Variants in SPIN1 observed in about 807,000 individuals in gnomAD.
SPIN1 encodes spindlin 1, also known as spindlin-1.
In SPIN1, 3 loss-of-function variants were observed where a neutral mutation model predicts 26.0. The observed-to-expected ratio is 0.12, with a 90% CI of 0.05 to 0.30. The LOEUF (loss-of-function observed/expected upper bound fraction) is 0.30. Among genes scored for constraint, SPIN1 ranks in the 10% least tolerant of loss-of-function variants. The probability of loss-of-function intolerance (pLI) is 1.00; values close to 1 mark genes in which losing one functional copy is unlikely to be tolerated. For synonymous variants in SPIN1, 101 were observed against 116.5 expected (o/e 0.87, Z 0.86); for missense variants, 126 against 333.4 (o/e 0.38, Z 4.84).
intron 3 of SPIN1, among the ~76,000 whole-genome samples, chr9:88,454,427 AT>A (rs1184628778): frequency 3.3e-5 from 5 of 152,150 alleles, no homozygotes; most frequent in Non-Finnish European, 5.9e-5. Flanking sequence ...GTAATTCCTA[AT>A]AGTTTGCTTT....
chr9:88,431,479 G>A (rs1191431952), intron 2 of SPIN1, among the ~76,000 whole-genome samples: 2 of 151,144 alleles, frequency 1.3e-5, no homozygotes, highest in African/African-American at 2.4e-5. Flanking sequence ...TAGTAGAGAC[G>A]GGGTTTCTCC....
At chr9:88,463,215 C>T (rs1025264630) in intron 4 of SPIN1, among the ~76,000 whole-genome samples, 11 of 152,130 alleles carry the variant, frequency 7.2e-5, no homozygotes, top group Admixed American at 3.3e-4. Flanking sequence ...CTTTATTATA[C>T]ACAGAGCTTG....
At chr9:88,442,390 A>G (rs1828153094) in intron 2 of SPIN1, among the ~76,000 whole-genome samples, 1 of 147,794 alleles carries the variant, frequency 6.8e-6, no homozygotes, top group Non-Finnish European at 1.5e-5. Flanking sequence ...GTTTCTTTCA[A>G]GATGTTTTTC....
At chr9:88,393,394 C>T (rs1209709054) in intron 1 of SPIN1, among the ~76,000 whole-genome samples, 1 of 149,458 alleles carries the variant, frequency 6.7e-6, no homozygotes, top group Non-Finnish European at 1.5e-5. Flanking sequence ...TGTTGCTTAA[C>T]CTGACACAGG....
chr9:88,389,083 C>G (rs1374098795), intron 1 of SPIN1, among the ~76,000 whole-genome samples: 1 of 152,068 alleles, frequency 6.6e-6, no homozygotes, highest in Non-Finnish European at 1.5e-5. Flanking sequence ...TGGGGCCACC[C>G]CTCCCAGGCC....
intron 1 of SPIN1, among the ~76,000 whole-genome samples, chr9:88,425,960 C>T (rs924408652): frequency 1.3e-5 from 2 of 152,148 alleles, no homozygotes; most frequent in African/African-American, 2.4e-5. Context: ...ACCTCACACC[C>T]CTGTCTCCCA....
intron 3 of SPIN1, among the ~76,000 whole-genome samples, chr9:88,450,770 C>T (rs1050228393): frequency 2.0e-5 from 3 of 152,174 alleles, no homozygotes; most frequent in African/African-American, 7.2e-5. Context: ...GTCCCATTTT[C>T]CTATTCTCAA....
intron 2 of SPIN1, among the ~76,000 whole-genome samples, chr9:88,443,818 C>A (rs1203511727): frequency 6.6e-6 from 1 of 152,150 alleles, no homozygotes; most frequent in Non-Finnish European, 1.5e-5. Flanking sequence ...ACCCCTACCC[C>A]TTGTGGGACA....
chr9:88,392,752 A>C (rs1276701687), intron 1 of SPIN1, among the ~76,000 whole-genome samples: 1 of 152,160 alleles, frequency 6.6e-6, no homozygotes, highest in African/African-American at 2.4e-5. Flanking sequence ...GGGTGAGCTT[A>C]AATGAAGTAA....
intron 2 of SPIN1, among the ~76,000 whole-genome samples, chr9:88,435,902 T>G (rs1827990587): frequency 6.6e-6 from 1 of 152,188 alleles, no homozygotes; most frequent in South Asian, 2.1e-4. Context: ...TGTGTTTATG[T>G]TGCTTTTCTT....
chr9:88,439,801 C>T (rs1286440912), intron 2 of SPIN1, among the ~76,000 whole-genome samples: 1 of 152,140 alleles, frequency 6.6e-6, no homozygotes, highest in African/African-American at 2.4e-5. Flanking sequence ...TAGCTTCCCA[C>T]TTTCTTTTGA....
intron 1 of SPIN1, among the ~76,000 whole-genome samples, chr9:88,409,678 C>G (rs1827395286): frequency 6.8e-6 from 1 of 147,540 alleles, no homozygotes; most frequent in Non-Finnish European, 1.5e-5. Flanking sequence ...TACTAAAATA[C>G]AAAAAAAAAA....
intron 4 of SPIN1, among the ~76,000 whole-genome samples, chr9:88,466,911 A>T (rs892024062): frequency 1.3e-5 from 2 of 151,786 alleles, no homozygotes; most frequent in Admixed American, 1.3e-4. Flanking sequence ...AATTTTTTGT[A>T]TTTTTAGTAG....
chr9:88,474,991 T>C lies in SPIN1; in HGVS notation c.590-87T>C. ...TAAAATTTTTTTTAAGTTATGAAAA[T>C]AAATATGTGAGTTGATTTATATCTA... On this transcript the variant is annotated intron_variant, in intron 5 of 5. Transcript: ENST00000375859. 2 of 1,291,346 alleles carry C rather than the reference T, an allele frequency of 1.5e-6. 1 individual carries two copies. Among genetic ancestry groups the C allele is most frequent in the South Asian group, 3.6e-5 (2 of 56,094 alleles). The allele number at this position is 1,291,346 out of a possible 1,614,324, so 80.0% of individuals were successfully genotyped here. A position where few individuals can be genotyped will look rare whatever the true frequency, so the allele number is the denominator to read the frequency against.
In SPIN1 at chr9:88,441,180, G is replaced by A. The variant is rs368213632; in HGVS notation, c.53-7761G>A. On this transcript the variant is annotated intron_variant, in intron 2 of 5. Coordinates refer to ENST00000375859, the MANE Select transcript of SPIN1 (RefSeq NM_006717.3). ...TATAACAATGATTTACATAACTTTT[G>A]TATTTGGCATTATTAGTAATCTGGA... Among the ~76,000 whole-genome samples, 190 of 151,676 alleles carry A rather than the reference G, an allele frequency of 1.3e-3. 5 individuals carry two copies. In the South Asian group the frequency reaches 0.036, roughly 29 times the overall value.
intron 1 of SPIN1, among the ~76,000 whole-genome samples, chr9:88,395,668 G>C (rs1379613586): frequency 6.6e-6 from 1 of 151,868 alleles, no homozygotes; most frequent in African/African-American, 2.4e-5. Flanking sequence ...GGATGATCTT[G>C]AACTCCTGAC....
At chr9:88,415,097 G>C (rs1219732078) in intron 1 of SPIN1, among the ~76,000 whole-genome samples, 2 of 151,946 alleles carry the variant, frequency 1.3e-5, no homozygotes, top group African/African-American at 4.8e-5. Flanking sequence ...GTAGAGATGG[G>C]GTTTCACCGT....
chr9:88,389,715 T>A (rs1330665080), intron 1 of SPIN1, among the ~76,000 whole-genome samples: 1 of 152,198 alleles, frequency 6.6e-6, no homozygotes, highest in African/African-American at 2.4e-5. Flanking sequence ...GTCTTAACTT[T>A]TTTTCTATTG....
intron 1 of SPIN1, among the ~76,000 whole-genome samples, chr9:88,412,225 C>T (rs1196379374): frequency 2.6e-5 from 4 of 152,044 alleles, no homozygotes; most frequent in Non-Finnish European, 2.9e-5. Context: ...TTCCAGTAGT[C>T]GTTGATAGAG....
Sources: gnomAD v4.1 joint callset for allele counts (sites outside exome capture counted in the v4.1 genomes callset) on GRCh38, gnomAD v4.1.1 for gene constraint, MANE v1.5 for transcripts, NCBI Gene and HGNC (gene_info 2026-07-23, HGNC 2026-07-21) for gene names.